TERB1: variants seen among roughly 807,000 people sequenced by gnomAD.
The protein encoded by TERB1 is telomere repeats-binding bouquet formation protein 1.
TERB1 carries 63 observed loss-of-function variants against 92.3 expected under a neutral mutation model. The ratio of observed to expected loss-of-function variants is 0.68; its 90% confidence interval spans 0.56 to 0.84. The LOEUF is 0.84. TERB1 is among the 40% of genes least tolerant of loss of function. The pLI is 0.00. For synonymous variants in TERB1, 252 were observed against 283.9 expected, an observed-to-expected ratio of 0.89 and a Z score of 1.13; for missense variants, 709 against 843.7, an observed-to-expected ratio of 0.84 and a Z score of 1.98.
chr16:66,794,877 T>C (rs1410778061), intron 3 of TERB1, among the ~76,000 whole-genome samples: 1 of 146,714 alleles, frequency 6.8e-6, no homozygotes, highest in African/African-American at 2.6e-5. Context: ...GCCACTGCAC[T>C]CCAGCCTGGG....
intron 11 of TERB1, 146 bp downstream of exon 11, chr16:66,777,057 G>A: frequency 1.5e-6 from 1 of 651,856 alleles, no homozygotes; most frequent in South Asian, 2.5e-5. Flanking sequence ...GGAGAATTAG[G>A]AGCTGAAATG....
rs1278906279 is a variant in TERB1 at position 66,789,375 on chromosome 16, G to C, written c.272-1078C>G. 5.1e-5 allele frequency among the ~76,000 whole-genome samples: 2 copies of C among 39,028 alleles called. 1 individual carries two copies. The highest frequency in any genetic ancestry group is 2.7e-3 in the East Asian group (2 of 752). The allele number at this position is 39,028 out of a possible 152,430, so 25.6% of individuals were successfully genotyped here. A position where few individuals can be genotyped will look rare whatever the true frequency, so the allele number is the denominator to read the frequency against. ...CGAGGCGGGCGGATCACGAGGTCAG[G>C]AGATCGAGACCATCCTGGCTAACAC... On this transcript the variant is annotated intron_variant, in intron 5 of 18. Transcript: ENST00000433154.
At chr16:66,785,249 G>A (rs1360750370) in intron 9 of TERB1, among the ~76,000 whole-genome samples, 1 of 151,756 alleles carries the variant, frequency 6.6e-6, no homozygotes, top group Non-Finnish European at 1.5e-5. Context: ...TACCATGTTG[G>A]TCAGGCTGGT....
chr16:66,794,199 A>G (rs2018887639), intron 3 of TERB1, among the ~76,000 whole-genome samples: 1 of 152,062 alleles, frequency 6.6e-6, no homozygotes, highest in Non-Finnish European at 1.5e-5. Flanking sequence ...TCCTGGGCTC[A>G]AGGGATCCTC....
intron 5 of TERB1, among the ~76,000 whole-genome samples, 164 bp downstream of exon 5, chr16:66,790,429 AAG>A (rs1304534601): frequency 6.7e-6 from 1 of 150,174 alleles, no homozygotes; most frequent in African/African-American, 2.4e-5. Context: ...AAAGGAAGGA[AAG>A]AGAGAGAAAG....
chr16:66,757,988 T>C (rs1397251826), intron 18 of TERB1, among the ~76,000 whole-genome samples: 1 of 152,244 alleles, frequency 6.6e-6, no homozygotes, highest in East Asian at 1.9e-4. Flanking sequence ...TCAAGCACTA[T>C]AGTTATGAAC....
chr16:66,757,306 T>C (rs1016690380), intron 18 of TERB1, among the ~76,000 whole-genome samples: 1 of 152,238 alleles, frequency 6.6e-6, no homozygotes, highest in Non-Finnish European at 1.5e-5. Context: ...ATAATCATTG[T>C]ATAACCATTA....
chr16:66,801,862 C>T (rs1018420309), upstream of TERB1, among the ~76,000 whole-genome samples: 2 of 152,236 alleles, frequency 1.3e-5, no homozygotes, highest in East Asian at 1.9e-4. Context: ...GGCTATGGGA[C>T]GGTGGCCGCG....
chr16:66,755,781 TATAA>T (rs1385925901), intron 18 of TERB1, among the ~76,000 whole-genome samples: 2 of 152,002 alleles, frequency 1.3e-5, no homozygotes, highest in African/African-American at 4.8e-5. Flanking sequence ...TCTCAAAATA[TATAA>T]ATAAATAAAA....
In TERB1 at chr16:66,778,922, G is replaced by T. The variant is rs2018591989; in HGVS notation, c.794C>A (p.Ser265Tyr). ...QLESDSHETL[S>Y]SAKLAVVVTK... ...CACAACCACTGCAAGTTTAGCACTG[G>T]AAAGAGTCTCATGTGAATCAGATTC... Residue 265 changes from serine (S) to tyrosine (Y), a missense_variant, in exon 10 of 19, where the codon TCC (serine) becomes TAC (tyrosine). Transcript: ENST00000433154. The T allele has an allele frequency of 6.5e-7, 1 of 1,535,274 alleles. No individual in the cohort carries two copies. The highest frequency in any genetic ancestry group is 2.5e-5 in the East Asian group (1 of 40,434).
chr16:66,775,729 G>C (rs1024340756), intron 11 of TERB1, among the ~76,000 whole-genome samples: 1 of 49,056 alleles, frequency 2.0e-5, no homozygotes, highest in South Asian at 7.8e-4. Context: ...TTTTTTTTTT[G>C]AGAGGGAATC....
At chr16:66,769,941 A>T (rs1317764222) in intron 14 of TERB1, 22 bp downstream of exon 14, 1 of 1,470,600 alleles carries the variant, frequency 6.8e-7, no homozygotes, top group East Asian at 2.5e-5. Context: ...AATAAAAGTT[A>T]CACACAATTA....
At chr16:66,794,062 G>C (rs1327329023) in intron 3 of TERB1, among the ~76,000 whole-genome samples, 1 of 151,966 alleles carries the variant, frequency 6.6e-6, no homozygotes, top group African/African-American at 2.4e-5. Flanking sequence ...TCAGTTCTAG[G>C]CACAATGCAG....
At position 66,770,281 on chromosome 16, in the gene TERB1, T is replaced by A. The variant is rs572051246; in HGVS notation, c.1301A>T (p.Asp434Val). 9.6e-5 allele frequency: 149 copies of A among 1,546,746 alleles called. 2 individuals carry two copies. In the South Asian group the frequency reaches 1.7e-3, roughly 18 times the overall value. ...EEEIQRENYQDNISSMNISIQ... is the reference protein window; with the variant it reads ...EEEIQRENYQVNISSMNISIQ... ...ACTTATGTTCATAGATGAAATATTA[T>A]CCTGATAGTTTTCTCTTTGTATTTC... The change falls in exon 14 of 19, where the codon GAT becomes GTT. Residue 434 changes from aspartate (D) to valine (V), a missense_variant. By Grantham distance (152) the Asp-to-Val change is radical. Transcript: ENST00000433154.
rs139023105 is a variant in TERB1 at position 66,782,992 on chromosome 16, A to G, written c.700+2794T>C. Among the ~76,000 whole-genome samples, 343 of 151,340 alleles carry G rather than the reference A, an allele frequency of 2.3e-3. 3 individuals carry two copies. Among genetic ancestry groups the G allele is most frequent in the Admixed American group, 6.1e-3 (93 of 15,260 alleles). ...GCAATCCTCCCAAGTAGCTCAGACT[A>G]CAGGTGTGAACCATTACACCTGGCT... On this transcript the variant is annotated intron_variant, in intron 9 of 18. Transcript: ENST00000433154.
chr16:66,770,547 T>C (rs1471429330), intron 13 of TERB1, among the ~76,000 whole-genome samples: 1 of 152,006 alleles, frequency 6.6e-6, no homozygotes, highest in Non-Finnish European at 1.5e-5. Flanking sequence ...TATACAAAGA[T>C]AAAGTCAAAA....
chr16:66,771,072 A>G (rs1262313744), intron 13 of TERB1, among the ~76,000 whole-genome samples: 2 of 152,228 alleles, frequency 1.3e-5, no homozygotes, highest in Non-Finnish European at 2.9e-5. Context: ...GCTGAAGGAT[A>G]ACTTTTAAAA....
chr16:66,795,716 TG>T (rs1029891528), intron 3 of TERB1, among the ~76,000 whole-genome samples: 11 of 152,226 alleles, frequency 7.2e-5, no homozygotes, highest in African/African-American at 2.7e-4. Context: ...AACACTTTCT[TG>T]ACATTACAAC....
At chr16:66,793,582 G>C (rs776689232) in intron 3 of TERB1, among the ~76,000 whole-genome samples, 1 of 151,252 alleles carries the variant, frequency 6.6e-6, no homozygotes, top group Non-Finnish European at 1.5e-5. Flanking sequence ...CACAATCTTG[G>C]CTCACTGCAA....
Sources: allele counts gnomAD v4.1 joint callset (sites outside exome capture counted in the v4.1 genomes callset), GRCh38; gene constraint gnomAD v4.1.1; transcripts MANE v1.5; gene names NCBI Gene and HGNC (gene_info 2026-07-23, HGNC 2026-07-21).